RGS12: variants seen among roughly 807,000 people sequenced by gnomAD.
The protein encoded by RGS12 is regulator of G-protein signaling 12.
Under a neutral mutation model 120.1 loss-of-function variants are expected in RGS12, and 66 were observed. That is an observed-to-expected ratio of 0.55 (90% CI 0.45 to 0.67). The LOEUF (loss-of-function observed/expected upper bound fraction) is 0.67. RGS12 is among the 30% of genes least tolerant of loss of function. The pLI is 0.00. For missense variants in RGS12, 1,859 were observed against 1,957.7 expected (o/e 0.95, Z 0.95); for synonymous variants, 827 against 804.7 (o/e 1.03, Z -0.47).
At chr4:3,340,773 GGTGCAGGCCA>G (rs1553802011) in intron 2 of RGS12, among the ~76,000 whole-genome samples, 1 of 151,730 alleles carries the variant, frequency 6.6e-6, no homozygotes, top group Non-Finnish European at 1.5e-5. Context: ...GGTGCAGGCC[GGTGCAGGCCA>G]GTGCAGTCCG....
At chr4:3,292,279 C>T (rs535676117), upstream of RGS12, among the ~76,000 whole-genome samples, 13 of 151,684 alleles carry the variant, frequency 8.6e-5, no homozygotes, top group Non-Finnish European at 1.9e-4. Flanking sequence ...CAGGCCGGGG[C>T]CGGGCAGCTC....
chr4:3,295,241 G>C (rs1449103660), intron 1 of RGS12, among the ~76,000 whole-genome samples: 1 of 152,210 alleles, frequency 6.6e-6, no homozygotes, highest in African/African-American at 2.4e-5. Context: ...GACAGGCTGA[G>C]GCTGCCGCTA....
At chr4:3,370,701 T>C (rs1173136852) in intron 3 of RGS12, among the ~76,000 whole-genome samples, 1 of 152,266 alleles carries the variant, frequency 6.6e-6, no homozygotes, top group African/African-American at 2.4e-5. Context: ...GCTAGATAAA[T>C]ACATTAAAAT....
chr4:3,394,184 A>T (rs1284895453), intron 4 of RGS12, among the ~76,000 whole-genome samples: 3 of 150,796 alleles, frequency 2.0e-5, no homozygotes, highest in African/African-American at 7.3e-5. Flanking sequence ...CTTTTTTGAG[A>T]CAGAGTCTCG....
intron 11 of RGS12, 131 bp from the exon 12 acceptor site, chr4:3,422,774 T>C (rs1426194409): frequency 3.0e-6 from 3 of 999,514 alleles, no homozygotes; most frequent in Non-Finnish European, 4.6e-6. Flanking sequence ...GAAAGGGTGA[T>C]CGCTTTCTTT....
rs1026858862 is a variant in RGS12 at position 3,315,452 on chromosome 4, C to G, written c.-101-618C>G. The stretch of plus-strand genomic sequence containing the variant: ...GTTGAGTGGCCTCTGCAGTATTGAT[C>G]GAGGTTGTTTCAGGCTAATACGTTT... On this transcript the variant is annotated intron_variant, in intron 1 of 17. Transcript: ENST00000336727. Among the ~76,000 whole-genome samples the G allele has an allele frequency of 3.9e-5, 6 of 152,216 alleles. No individual in the cohort carries two copies. In the South Asian group the frequency reaches 1.0e-3, roughly 26 times the overall value.
rs768502681 is a variant in RGS12 at position 3,414,172 on chromosome 4, G to A, written c.2121G>A (p.Arg707=). 9 of 1,555,134 alleles carry A rather than the reference G, an allele frequency of 5.8e-6. No homozygotes were observed. Among genetic ancestry groups the A allele is most frequent in the Non-Finnish European group, 2.6e-6 (3 of 1,154,916 alleles). Reference sequence around the variant, plus strand: ...AGAGCTGCCGGCGCCTGCGTGAGAGGAGGGTCGCCAGCTGGGCCGTGTCCT... The same window carrying A: ...AGAGCTGCCGGCGCCTGCGTGAGAGAAGGGTCGCCAGCTGGGCCGTGTCCT... ...SVQSCRRLRE[R]RVASWAVSFE... is the part of the protein sequence containing the mutation. Residue 707 remains arginine, a synonymous_variant, in exon 5 of 18, where the codon AGG becomes AGA. Coordinates refer to ENST00000336727, the MANE Select transcript of RGS12 (RefSeq NM_001394154.1).
chr4:3,355,492 G>A (rs1449383097), intron 3 of RGS12, among the ~76,000 whole-genome samples: 1 of 152,166 alleles, frequency 6.6e-6, no homozygotes, highest in Non-Finnish European at 1.5e-5. Flanking sequence ...CTCAGATGAT[G>A]TGATTGTAAC....
rs376427662 is a variant in RGS12, at chr4:3,373,287, A to G, written c.1999-13129A>G. Among the ~76,000 whole-genome samples the G allele has an allele frequency of 2.2e-4, 33 of 152,316 alleles. No individual in the cohort carries two copies. The East Asian group carries it at 6.0e-3, about 28-fold the overall frequency. ...GGGCGGGCCGGCTGGGCCAGGCTCC[A>G]GGGTCCCCCGACAGAGAGTCCCAGC... On this transcript the variant is annotated intron_variant, in intron 3 of 17. Transcript: ENST00000336727.
chr4:3,371,093 G>C (rs1432890328), intron 3 of RGS12, among the ~76,000 whole-genome samples: 1 of 152,234 alleles, frequency 6.6e-6, no homozygotes, highest in African/African-American at 2.4e-5. Context: ...GCATGGAGGG[G>C]TTGGGAACAG....
At chr4:3,413,980 G>A in intron 4 of RGS12, 92 bp from the exon 5 acceptor site, 1 of 1,329,928 alleles carries the variant, frequency 7.5e-7, no homozygotes, top group Non-Finnish European at 1.0e-6. Context: ...AGAGCTTGCT[G>A]CGTGTCCCAG....
At chr4:3,405,065 A>C (rs1438756055) in intron 4 of RGS12, among the ~76,000 whole-genome samples, 3 of 152,232 alleles carry the variant, frequency 2.0e-5, no homozygotes, top group African/African-American at 7.2e-5. Context: ...CAGCAAGTCC[A>C]CACTAACACA....
intron 17 of RGS12, among the ~76,000 whole-genome samples, chr4:3,436,781 G>C (rs1483432074): frequency 6.6e-6 from 1 of 152,210 alleles, no homozygotes; most frequent in East Asian, 1.9e-4. Flanking sequence ...CATGTGGAAA[G>C]AGGGGCCTTC....
At position 3,431,111 on chromosome 4, in the gene RGS12, T is replaced by C; in HGVS notation, c.4114+156T>C. ...TGGTTGGGGGCTTCCTTGGCCCTCT[T>C]GGAAAGGAGGGGCTCGTGTGGCCCC... On this transcript the variant is annotated intron_variant, in intron 17 of 17. Coordinates refer to ENST00000336727, the MANE Select transcript of RGS12 (RefSeq NM_001394154.1). The C allele has an allele frequency of 2.1e-6, 3 of 1,438,942 alleles. No individual in the cohort carries two copies. In the South Asian group the frequency reaches 4.4e-5, roughly 21 times the overall value. The allele number at this position is 1,438,942 out of a possible 1,614,324, so 89.1% of individuals were successfully genotyped here.
chr4:3,372,850 C>T lies in RGS12; in HGVS notation c.1999-13566C>T, dbSNP rs1717180620. Among the ~76,000 whole-genome samples the T allele has an allele frequency of 6.6e-6, 1 of 152,216 alleles. No homozygotes were observed. Among genetic ancestry groups the T allele is most frequent in the Admixed American group, 6.5e-5 (1 of 15,288 alleles). On this transcript the variant is annotated intron_variant, in intron 3 of 17. Coordinates refer to ENST00000336727, the MANE Select transcript of RGS12 (RefSeq NM_001394154.1). The surrounding 1 kb of genome is among the most constrained non-coding windows in gnomAD (Gnocchi z 4.3). The stretch of plus-strand genomic sequence containing the variant: ...ACTTTCTAGAGACCACAGGGCTTCT[C>T]TCCCCTTCAGGCATTGACGTTCTGT...
rs1193359798 is a variant in RGS12 at position 3,317,846 on chromosome 4, A to AT, written c.1678dup (p.Ser560PhefsTer64). The stretch of plus-strand genomic sequence containing the variant: ...ACCAGCGACCAGGACTCTTACACAG[A>AT]TTCCACCGATGGCTGGTCCAGCATC... On this transcript the variant is annotated frameshift_variant, in exon 2 of 18. Transcript: ENST00000336727. LOFTEE classifies it high-confidence loss of function. 2 of 1,613,410 alleles carry AT rather than the reference A, an allele frequency of 1.2e-6. No individual in the cohort carries two copies. The highest frequency in any genetic ancestry group is 2.7e-5 in the African/African-American group (2 of 74,930).
At chr4:3,411,144 A>G (rs1265485879) in intron 4 of RGS12, among the ~76,000 whole-genome samples, 3 of 152,032 alleles carry the variant, frequency 2.0e-5, no homozygotes, top group African/African-American at 7.2e-5. Context: ...ATTCATTGGG[A>G]TTTGTTTCAG....
chr4:3,427,044 G>T (rs1033766925), intron 14 of RGS12, among the ~76,000 whole-genome samples: 1 of 152,170 alleles, frequency 6.6e-6, no homozygotes, highest in Non-Finnish European at 1.5e-5. Flanking sequence ...AAGCGCTGAG[G>T]CCATTAGTCC....
At chr4:3,425,314 T>C in intron 13 of RGS12, 150 bp from the exon 14 acceptor site, 1 of 707,248 alleles carries the variant, frequency 1.4e-6, no homozygotes, top group Non-Finnish European at 2.6e-6. Flanking sequence ...CCCCAGCTTG[T>C]GTGCCTCAGT....
Sources: allele counts gnomAD v4.1 joint callset (sites outside exome capture counted in the v4.1 genomes callset), GRCh38; gene constraint gnomAD v4.1.1; non-coding constraint Gnocchi (gnomAD v3.1); transcripts MANE v1.5; gene names NCBI Gene and HGNC (gene_info 2026-07-23, HGNC 2026-07-21).